Variants in SPATA17 observed in about 807,000 individuals in gnomAD.
SPATA17 encodes the protein spermatogenesis associated 17.
Under a neutral mutation model 62.2 loss-of-function variants are expected in SPATA17, and 53 were observed. That is an observed-to-expected ratio of 0.85 (90% CI 0.68 to 1.07). The LOEUF (loss-of-function observed/expected upper bound fraction) is 1.07, where lower values mean the gene tolerates loss of function less well. Among genes scored for constraint, SPATA17 ranks in the 50% least tolerant of loss-of-function variants. The pLI is 0.00. For missense variants in SPATA17, 466 were observed against 425.5 expected, an observed-to-expected ratio of 1.10 and a Z score of -0.84; for synonymous variants, 146 against 146.8, an observed-to-expected ratio of 0.99 and a Z score of 0.04.
intron 9 of SPATA17, among the ~76,000 whole-genome samples, chr1:217,859,193 A>G (rs1191168499): frequency 1.4e-5 from 2 of 146,482 alleles, no homozygotes; most frequent in East Asian, 2.0e-4. Context: ...AATTATAAAT[A>G]TATTTTAAAA....
intron 9 of SPATA17, among the ~76,000 whole-genome samples, chr1:217,862,018 T>C (rs1356168794): frequency 1.3e-5 from 2 of 151,822 alleles, no homozygotes; most frequent in African/African-American, 4.8e-5. Flanking sequence ...ATATGGGCCC[T>C]ATAAAGAGCT....
chr1:217,863,000 T>C (rs1205602915), intron 10 of SPATA17, 144 bp downstream of exon 10: 6 of 466,606 alleles, frequency 1.3e-5, no homozygotes, highest in Non-Finnish European at 2.2e-5. Flanking sequence ...ATTTCCTTCA[T>C]TGTAGTGTAA....
Position 217,652,964 on chromosome 1 carries a change from C to A in SPATA17, c.240+1786C>A, listed in dbSNP as rs547028765. 5.9e-5 allele frequency among the ~76,000 whole-genome samples: 9 copies of A among 152,234 alleles called. No homozygotes were observed. In the South Asian group the frequency reaches 1.9e-3, roughly 32 times the overall value. ...AAAATACCCAGAACTGTGATTGGCA[C>A]CTAGTCGGTGCTCAAAAATGGTAGT... is the stretch of plus-strand genomic sequence containing the variant. On this transcript the variant is annotated intron_variant, in intron 3 of 10. Coordinates refer to ENST00000366933, the MANE Select transcript of SPATA17 (RefSeq NM_138796.4).
chr1:217,707,100 C>T (rs183489094), intron 5 of SPATA17, among the ~76,000 whole-genome samples: 21 of 152,172 alleles, frequency 1.4e-4, no homozygotes, highest in Non-Finnish European at 2.5e-4. Flanking sequence ...CTCCTGACCT[C>T]GTAATCGGCC....
intron 6 of SPATA17, among the ~76,000 whole-genome samples, chr1:217,767,191 C>G (rs564760348): frequency 5.3e-5 from 8 of 152,050 alleles, no homozygotes; most frequent in African/African-American, 1.7e-4. Flanking sequence ...TCACTCTATT[C>G]TCTTCTTGCT....
rs1051893015 is a variant in SPATA17, at chr1:217,869,692, T to C, written c.*2673T>C. On this transcript the variant is annotated 3_prime_UTR_variant, in exon 11 of 11. Transcript: ENST00000366933. ...ATCTCTATTTTAATGTTAATGCTGG[T>C]CACTGGTGCCTGAATTCCAAAGGGA... 2 of 152,082 alleles carry C rather than the reference T, an allele frequency of 1.3e-5. No homozygotes were observed. The highest frequency in any genetic ancestry group is 4.8e-5 in the African/African-American group (2 of 41,408). The allele number at this position is 152,082 out of a possible 1,614,324, so 9.4% of individuals were successfully genotyped here.
At chr1:217,858,573 T>A (rs1056652900) in intron 9 of SPATA17, among the ~76,000 whole-genome samples, 1 of 152,164 alleles carries the variant, frequency 6.6e-6, no homozygotes, top group African/African-American at 2.4e-5. Flanking sequence ...CTTTTCCTTT[T>A]TGGAAGCTTA....
intron 5 of SPATA17, among the ~76,000 whole-genome samples, chr1:217,729,564 T>A (rs1354861958): frequency 6.6e-6 from 1 of 152,208 alleles, no homozygotes; most frequent in Non-Finnish European, 1.5e-5. Context: ...TAGTCTGTAA[T>A]GTTAACTGTA....
chr1:217,779,140 C>T (rs1055899719), intron 7 of SPATA17, among the ~76,000 whole-genome samples: 6 of 101,936 alleles, frequency 5.9e-5, no homozygotes, highest in Non-Finnish European at 1.3e-4. Context: ...ATTTGTAAAA[C>T]AACTTGTGTG....
chr1:217,650,983 C>A, intron 2 of SPATA17, 114 bp from the exon 3 acceptor site: 1 of 744,488 alleles, frequency 1.3e-6, no homozygotes, highest in Non-Finnish European at 2.3e-6. Flanking sequence ...TAAAAGTGCA[C>A]ATAAACTTGG....
intron 8 of SPATA17, among the ~76,000 whole-genome samples, chr1:217,785,273 C>T (rs1202412430): frequency 2.0e-5 from 3 of 152,038 alleles, no homozygotes; most frequent in Admixed American, 6.6e-5. Context: ...TGTATTAGTC[C>T]GTTCTCACAC....
intron 5 of SPATA17, among the ~76,000 whole-genome samples, chr1:217,722,064 C>G (rs900631132): frequency 2.0e-5 from 3 of 152,094 alleles, no homozygotes; most frequent in Non-Finnish European, 4.4e-5. Context: ...TCTTCCATCC[C>G]TTCTATTTCT....
chr1:217,851,088 G>A (rs1675655001), intron 9 of SPATA17, among the ~76,000 whole-genome samples: 1 of 152,094 alleles, frequency 6.6e-6, no homozygotes, highest in Non-Finnish European at 1.5e-5. Flanking sequence ...ATGCTGTTCA[G>A]CTTTGGTGGT....
intron 9 of SPATA17, among the ~76,000 whole-genome samples, chr1:217,802,939 G>T (rs1674347194): frequency 6.6e-6 from 1 of 152,100 alleles, no homozygotes; most frequent in South Asian, 2.1e-4. Context: ...TTGAGATGAA[G>T]TCTCGCTCTG....
chr1:217,822,403 C>T (rs906470016), intron 9 of SPATA17, among the ~76,000 whole-genome samples: 27 of 151,426 alleles, frequency 1.8e-4, no homozygotes, highest in African/African-American at 6.3e-4. Flanking sequence ...TTTCTGTTCA[C>T]GAGTTTGTCT....
chr1:217,648,978 T>A lies in SPATA17; in HGVS notation c.158+7T>A. ...AAGTTCGGGCATATATCAGGTATAT[T>A]GCTTTTGTCATGGAAACCTCAGATA... On this transcript the variant is annotated splice_region_variant and intron_variant, in intron 2 of 10. Coordinates refer to ENST00000366933, the MANE Select transcript of SPATA17 (RefSeq NM_138796.4). The A allele has an allele frequency of 6.3e-7, 1 of 1,591,406 alleles. No individual in the cohort carries two copies. Among genetic ancestry groups the A allele is most frequent in the South Asian group, 1.2e-5 (1 of 86,956 alleles).
In SPATA17 at chr1:217,786,390, G is replaced by A. The variant is rs143403720; in HGVS notation, c.872+4068G>A. ...AAAAGATGATTGAGATTTTGATAGAGGAAAGAAGAAAATAGATAAAAGTAG... is the reference window on the plus strand; with the variant it reads ...AAAAGATGATTGAGATTTTGATAGAAGAAAGAAGAAAATAGATAAAAGTAG... On this transcript the variant is annotated intron_variant, in intron 8 of 10. Transcript: ENST00000366933. 1.5e-3 allele frequency among the ~76,000 whole-genome samples: 221 copies of A among 152,166 alleles called. 1 individual carries two copies. Among genetic ancestry groups the A allele is most frequent in the African/African-American group, 4.8e-3 (201 of 41,534 alleles).
At chr1:217,808,358 C>T (rs1009842957) in intron 9 of SPATA17, among the ~76,000 whole-genome samples, 2 of 92,610 alleles carry the variant, frequency 2.2e-5, no homozygotes, top group African/African-American at 6.5e-5. Context: ...CACACACACA[C>T]ACACACACAC....
intron 5 of SPATA17, among the ~76,000 whole-genome samples, chr1:217,715,901 T>G (rs56011652): frequency 1.2e-3 from 179 of 152,348 alleles, no homozygotes; most frequent in Non-Finnish European, 2.2e-3. Context: ...TTGTGTTAAA[T>G]GCTGTCTTTG....
Sources: allele counts gnomAD v4.1 joint callset (sites outside exome capture counted in the v4.1 genomes callset), GRCh38; gene constraint gnomAD v4.1.1; transcripts MANE v1.5; gene names NCBI Gene and HGNC (gene_info 2026-07-23, HGNC 2026-07-21).